Variants in CTDP1 observed in about 807,000 individuals in gnomAD.
CTDP1 encodes RNA polymerase II subunit A C-terminal domain phosphatase.
A neutral mutation model predicts 91.8 loss-of-function variants in CTDP1; 47 were observed. That is an observed-to-expected ratio of 0.51 (90% CI 0.41 to 0.65). The LOEUF (loss-of-function observed/expected upper bound fraction) is 0.65. Among genes scored for constraint, CTDP1 ranks in the 30% least tolerant of loss-of-function variants. The pLI, the probability that CTDP1 is intolerant of heterozygous loss-of-function variation, is 0.00. For synonymous variants in CTDP1, 656 were observed against 598.5 expected (o/e 1.10, Z -1.40); for missense variants, 1,272 against 1,373.7 (o/e 0.93, Z 1.17).
chr18:79,709,611 C>G (rs546333928), intron 5 of CTDP1, among the ~76,000 whole-genome samples: 1 of 152,320 alleles, frequency 6.6e-6, no homozygotes, highest in African/African-American at 2.4e-5. Context: ...GTGCAAGTGT[C>G]AAATGTAGCC....
At chr18:79,752,069 G>A (rs1170257421) in intron 12 of CTDP1, among the ~76,000 whole-genome samples, 1 of 152,254 alleles carries the variant, frequency 6.6e-6, no homozygotes, top group African/African-American at 2.4e-5. Flanking sequence ...GAGGGAGGGT[G>A]TCTGGCAGGA....
intron 11 of CTDP1, among the ~76,000 whole-genome samples, chr18:79,734,599 C>A (rs2086630432): frequency 6.6e-6 from 1 of 151,066 alleles, no homozygotes; most frequent in Non-Finnish European, 1.5e-5. Flanking sequence ...TAGCGAGGGT[C>A]CCTCGGGTCC....
intron 1 of CTDP1, among the ~76,000 whole-genome samples, chr18:79,684,690 A>G (rs2085448970): frequency 6.6e-6 from 1 of 152,236 alleles, no homozygotes. Flanking sequence ...TCCTAACCAC[A>G]TCAGTGGTTA....
At chr18:79,717,051 C>A (rs544132463) in intron 8 of CTDP1, among the ~76,000 whole-genome samples, 1 of 147,614 alleles carries the variant, frequency 6.8e-6, no homozygotes, top group African/African-American at 2.5e-5. Flanking sequence ...GGCCCTGAGT[C>A]CTGGTGGGTA....
chr18:79,729,920 C>T (rs781457481), intron 11 of CTDP1, among the ~76,000 whole-genome samples: 4 of 152,228 alleles, frequency 2.6e-5, no homozygotes, highest in Non-Finnish European at 5.9e-5. Flanking sequence ...AGCCTATCCT[C>T]CCTGCCCGCC....
intron 6 of CTDP1, 140 bp from the exon 7 acceptor site, chr18:79,712,832 G>C (rs1425452804): frequency 1.2e-5 from 10 of 812,634 alleles, no homozygotes; most frequent in Non-Finnish European, 2.0e-5. Context: ...AAAGGGCTTC[G>C]GGGCGGTTGG....
chr18:79,682,691 G>C (rs1459530320), intron 1 of CTDP1, among the ~76,000 whole-genome samples: 1 of 152,198 alleles, frequency 6.6e-6, no homozygotes, highest in Non-Finnish European at 1.5e-5. Context: ...TGGATCAGTG[G>C]GTTCTCCAGG....
At chr18:79,704,968 T>G (rs1430913301) in intron 5 of CTDP1, 51 bp downstream of exon 5, 2 of 1,608,096 alleles carry the variant, frequency 1.2e-6, no homozygotes, top group Admixed American at 1.7e-5. Context: ...GTTTCTTTCC[T>G]GTTTTCGGTG....
chr18:79,680,264 G>A lies in CTDP1; in HGVS notation c.314+3G>A, dbSNP rs960310495. 2.3e-6 allele frequency: 3 copies of A among 1,283,240 alleles called. No individual in the cohort carries two copies. The highest frequency in any genetic ancestry group is 2.0e-6 in the Non-Finnish European group (2 of 1,018,754). 79.5% of individuals were successfully genotyped at this position (1,283,240 alleles called of 1,614,324 possible). On this transcript the variant is annotated splice_donor_region_variant and intron_variant, in intron 1 of 12. Transcript: ENST00000613122. ...CCGGGCCAGGTGGTCGCCCCAGGGT[G>A]AGTGTGCTGAGCCGGGCGGGGCCGA... is the stretch of plus-strand genomic sequence containing the variant.
Position 79,729,030 on chromosome 18 carries a change from C to T in CTDP1, c.2541C>T (p.Tyr847=), listed in dbSNP as rs2086510338. The T allele has an allele frequency of 6.2e-7, 1 of 1,613,876 alleles. No homozygotes were observed. Among genetic ancestry groups the T allele is most frequent in the Admixed American group, 1.7e-5 (1 of 60,010 alleles). The part of the protein sequence containing the change: ...QPSMSETMPL[Y]TLCKEDLESM... Reference sequence around the variant, plus strand: ...GTATGTCTGAGACAATGCCGCTGTACACTCTTTGTAAGGAGGATTTAGAGA... The same window carrying T: ...GTATGTCTGAGACAATGCCGCTGTATACTCTTTGTAAGGAGGATTTAGAGA... Residue 847 remains tyrosine, a synonymous_variant, in exon 11 of 13, where the codon TAC becomes TAT. Coordinates refer to ENST00000613122, the MANE Select transcript of CTDP1 (RefSeq NM_004715.5).
chr18:79,680,423 A>C (rs908696477), intron 1 of CTDP1, among the ~76,000 whole-genome samples, 162 bp downstream of exon 1: 1 of 152,184 alleles, frequency 6.6e-6, no homozygotes, highest in African/African-American at 2.4e-5. Flanking sequence ...CTGGATAGTC[A>C]CCACCTGTGG....
Position 79,714,797 on chromosome 18 carries a change from C to T in CTDP1, c.1337C>T (p.Thr446Met), listed in dbSNP as rs747315467. 58 of 1,603,242 alleles carry T rather than the reference C, an allele frequency of 3.6e-5. No individual in the cohort carries two copies. Among genetic ancestry groups the T allele is most frequent in the Non-Finnish European group, 4.3e-5 (51 of 1,176,184 alleles). Residue 446 changes from threonine (T) to methionine (M), a missense_variant, in exon 8 of 13, where the codon ACG becomes ATG. Physicochemically the swap from Thr to Met is moderately conservative, Grantham distance 81. Around this residue, in one of 3 missense-constraint regions of CTDP1, gnomAD observed 881 missense variants for 911.6 expected, o/e 0.97. Coordinates refer to ENST00000613122, the MANE Select transcript of CTDP1 (RefSeq NM_004715.5). The part of the protein sequence containing the change: ...APGQRPAQGA[T>M]GTDLDFDLSS... ...GGACAGCGGCCTGCCCAGGGTGCCA[C>T]GGGCACTGACCTGGACTTTGACTTA...
At chr18:79,701,528 AT>A (rs1367515410) in intron 4 of CTDP1, among the ~76,000 whole-genome samples, 32 of 73,608 alleles carry the variant, frequency 4.3e-4, no homozygotes, top group African/African-American at 1.3e-3. Flanking sequence ...TAATAAATAA[AT>A]TAAATAAATA....
chr18:79,711,602 A>G (rs2086085381), intron 6 of CTDP1, among the ~76,000 whole-genome samples: 1 of 152,214 alleles, frequency 6.6e-6, no homozygotes, highest in Admixed American at 6.5e-5. Flanking sequence ...AGTTCTTGAC[A>G]TCAGCGTCAG....
intron 4 of CTDP1, among the ~76,000 whole-genome samples, chr18:79,703,991 G>A (rs747115975): frequency 5.9e-5 from 9 of 152,106 alleles, no homozygotes; most frequent in Non-Finnish European, 8.8e-5. Flanking sequence ...AGCTGTCATC[G>A]GTGGTTATCA....
At chr18:79,678,248 T>C (rs1263207035), upstream of CTDP1, 1 of 152,240 alleles carries the variant, frequency 6.6e-6, no homozygotes, top group Non-Finnish European at 1.5e-5. Context: ...AATCGCGCCC[T>C]ACTACCCCTT....
rs755657975 is a variant in CTDP1 at position 79,704,834 on chromosome 18, A to G, written c.689A>G (p.Lys230Arg). 15 of 1,613,974 alleles carry G rather than the reference A, an allele frequency of 9.3e-6. No individual in the cohort carries two copies. The highest frequency in any genetic ancestry group is 2.7e-5 in the African/African-American group (2 of 74,956). The stretch of plus-strand genomic sequence containing the variant: ...CACACGCGCCTGCGTCCACACTGCA[A>G]GGACTTCCTGGAGAAGATCGCCAAG... ...MLHTRLRPHC[K>R]DFLEKIAKLY... Residue 230 changes from lysine (K) to arginine (R), a missense_variant, in exon 5 of 13, where the codon AAG becomes AGG. Lys to Arg is a conservative substitution (Grantham distance 26). Around this residue, in one of 3 missense-constraint regions of CTDP1, gnomAD observed 177 missense variants for 283.0 expected, o/e 0.63. Transcript: ENST00000613122.
At chr18:79,725,252 C>T (rs764900791) in intron 10 of CTDP1, among the ~76,000 whole-genome samples, 13 of 152,162 alleles carry the variant, frequency 8.5e-5, no homozygotes, top group Non-Finnish European at 1.2e-4. Context: ...CGTTGTGTGC[C>T]GTCTGCCCCC....
chr18:79,697,809 T>G, intron 3 of CTDP1, 51 bp from the exon 4 acceptor site: 2 of 1,613,212 alleles, frequency 1.2e-6, no homozygotes, highest in East Asian at 4.5e-5. Flanking sequence ...GAGTTTTACC[T>G]TGGATGCAAA....
Sources: gnomAD v4.1 joint callset for allele counts (sites outside exome capture counted in the v4.1 genomes callset) on GRCh38, gnomAD v4.1.1 for gene constraint, gnomAD v4.1.1 regional missense constraint, MANE v1.5 for transcripts, NCBI Gene and HGNC (gene_info 2026-07-23, HGNC 2026-07-21) for gene names.